The following USP49 variants were observed in gnomAD, a reference collection of about 807,000 sequenced individuals.
USP49 encodes the protein ubiquitin carboxyl-terminal hydrolase 49.
Under a neutral mutation model 58.6 loss-of-function variants are expected in USP49, and 24 were observed. The ratio of observed to expected loss-of-function variants is 0.41; its 90% CI spans 0.30 to 0.58. The LOEUF is 0.58. USP49 is among the 20% of genes least tolerant of loss of function. The pLI is 0.30. For synonymous variants in USP49, 408 were observed against 365.1 expected, an observed-to-expected ratio of 1.12 and a Z score of -1.34; for missense variants, 703 against 866.1, an observed-to-expected ratio of 0.81 and a Z score of 2.36.
intron 3 of USP49, among the ~76,000 whole-genome samples, chr6:41,859,177 C>G (rs1774178474): frequency 1.3e-5 from 2 of 152,300 alleles, no homozygotes; most frequent in South Asian, 2.1e-4. Flanking sequence ...CATGGCTTGT[C>G]TTTCATAGTC....
chr6:41,809,598 G>A (rs1369464610), intron 3 of USP49, among the ~76,000 whole-genome samples: 3 of 151,470 alleles, frequency 2.0e-5, no homozygotes, highest in Middle Eastern at 3.2e-3. Flanking sequence ...AGTCCGAGGC[G>A]GGAGGATCAC....
chr6:41,860,223 A>G (rs1470369618), intron 3 of USP49, among the ~76,000 whole-genome samples: 1 of 152,020 alleles, frequency 6.6e-6, no homozygotes, highest in Non-Finnish European at 1.5e-5. Flanking sequence ...CTACAAGACT[A>G]ATGACTTAGT....
intron 3 of USP49, among the ~76,000 whole-genome samples, chr6:41,859,665 T>C (rs2025950): frequency 6.6e-6 from 1 of 152,174 alleles, no homozygotes; most frequent in Non-Finnish European, 1.5e-5. Flanking sequence ...AGTGTCCTCT[T>C]TGGCAAATTA....
chr6:41,796,848 G>A, intron 7 of USP49, 125 bp from the exon 8 acceptor site: 1 of 616,816 alleles, frequency 1.6e-6, no homozygotes, highest in Non-Finnish European at 2.9e-6. Context: ...TCGATTATTG[G>A]TGGGGAAGGG....
chr6:41,824,150 G>T (rs893443149), intron 3 of USP49, among the ~76,000 whole-genome samples: 2 of 152,078 alleles, frequency 1.3e-5, no homozygotes, highest in African/African-American at 2.4e-5. Flanking sequence ...AGAGCCTAAA[G>T]TCAGGCTGGT....
chr6:41,802,459 TA>T (rs1216787067), intron 5 of USP49, among the ~76,000 whole-genome samples: 5,372 of 96,032 alleles, frequency 0.056, 436 homozygotes, highest in South Asian at 0.1. Flanking sequence ...TTTATTTATT[TA>T]TTTATTTATT....
At chr6:41,823,897 GA>G (rs1773493395) in intron 3 of USP49, among the ~76,000 whole-genome samples, 1 of 152,066 alleles carries the variant, frequency 6.6e-6, no homozygotes, top group Non-Finnish European at 1.5e-5. Context: ...ACAGTGAAGG[GA>G]ATCGGCTGAA....
At chr6:41,869,339 C>G (rs1774375653) in intron 3 of USP49, among the ~76,000 whole-genome samples, 1 of 151,948 alleles carries the variant, frequency 6.6e-6, no homozygotes, top group African/African-American at 2.4e-5. Flanking sequence ...TAAAGGCCAG[C>G]TGGGTAGCAC....
At chr6:41,881,550 A>G (rs1037333677) in intron 2 of USP49, among the ~76,000 whole-genome samples, 1 of 152,102 alleles carries the variant, frequency 6.6e-6, no homozygotes, top group African/African-American at 2.4e-5. Flanking sequence ...AAAAAAGTCT[A>G]AGTTTCAAGG....
rs1772803526 is a variant in USP49, at chr6:41,791,856, T to C, written c.*4677A>G. On this transcript the variant is annotated 3_prime_UTR_variant, in exon 8 of 8. Transcript: ENST00000682992. ...ATATTTAGAAGGCGCTTTTCAGCTT[T>C]AGCACTGACTTAAAAAGTCTGAACC... 1 of 152,226 alleles carries C rather than the reference T, an allele frequency of 6.6e-6. No homozygotes were observed. The highest frequency in any genetic ancestry group is 2.1e-4 in the South Asian group (1 of 4,834). 9.4% of individuals were successfully genotyped at this position (152,226 alleles called of 1,614,324 possible). A position where few individuals can be genotyped will look rare whatever the true frequency, so the allele number is the denominator to read the frequency against.
At chr6:41,849,669 A>G (rs1582019561) in intron 3 of USP49, among the ~76,000 whole-genome samples, 1 of 149,886 alleles carries the variant, frequency 6.7e-6, no homozygotes, top group East Asian at 2.0e-4. Flanking sequence ...GTGCAGTGGC[A>G]TGATCTCAGC....
chr6:41,802,470 TTTTTA>T (rs1773034809), intron 5 of USP49, among the ~76,000 whole-genome samples: 4 of 85,630 alleles, frequency 4.7e-5, no homozygotes, highest in African/African-American at 5.1e-5. Context: ...ATTTATTTAT[TTTTTA>T]TTTATTTTTT....
intron 3 of USP49, among the ~76,000 whole-genome samples, chr6:41,809,385 C>T (rs1376045617): frequency 6.6e-6 from 1 of 151,724 alleles, no homozygotes; most frequent in Non-Finnish European, 1.5e-5. Flanking sequence ...ATTAGCCAGA[C>T]GTGGTGGCAG....
At chr6:41,815,099 T>G (rs191549389) in intron 3 of USP49, among the ~76,000 whole-genome samples, 1 of 152,056 alleles carries the variant, frequency 6.6e-6, no homozygotes, top group Admixed American at 6.5e-5. Context: ...AGAAAAAGAT[T>G]TAAAAATCAA....
intron 3 of USP49, among the ~76,000 whole-genome samples, chr6:41,821,663 A>G (rs1045397664): frequency 6.6e-6 from 1 of 151,814 alleles, no homozygotes; most frequent in African/African-American, 2.4e-5. Context: ...AATCCCAGCT[A>G]CTCTGGAGGC....
chr6:41,804,720 C>T (rs1056879590), intron 4 of USP49, among the ~76,000 whole-genome samples: 4 of 152,168 alleles, frequency 2.6e-5, no homozygotes, highest in African/African-American at 7.2e-5. Flanking sequence ...AAGTTGCTCA[C>T]CAACCCACCC....
intron 3 of USP49, among the ~76,000 whole-genome samples, chr6:41,825,763 T>C (rs554197072): frequency 4.2e-4 from 64 of 152,334 alleles, no homozygotes; most frequent in African/African-American, 1.5e-3. Context: ...TTTTGTCTTT[T>C]TTCCCTCAAG....
chr6:41,817,391 C>T (rs1773373965), intron 3 of USP49, among the ~76,000 whole-genome samples: 1 of 151,374 alleles, frequency 6.6e-6, no homozygotes, highest in Non-Finnish European at 1.5e-5. Context: ...CATGATCCAC[C>T]CGACTCGGCC....
In USP49 at chr6:41,790,556, G is replaced by A. The variant is rs1230362634; in HGVS notation, c.*5977C>T. On this transcript the variant is annotated 3_prime_UTR_variant, in exon 8 of 8. Transcript: ENST00000682992. ...GCTTTTATGTGCCAAGTCTCTTATG[G>A]AACTAGTATGGGATTAAAGGACGTT... The A allele has an allele frequency of 6.6e-6, 1 of 152,122 alleles. No homozygotes were observed. Among genetic ancestry groups the A allele is most frequent in the African/African-American group, 2.4e-5 (1 of 41,394 alleles). 9.4% of individuals were successfully genotyped at this position (152,122 alleles called of 1,614,324 possible). A position where few individuals can be genotyped will look rare whatever the true frequency, so the allele number is the denominator to read the frequency against.
Sources: gnomAD v4.1 joint callset for allele counts (sites outside exome capture counted in the v4.1 genomes callset) on GRCh38, gnomAD v4.1.1 for gene constraint, MANE v1.5 for transcripts, NCBI Gene and HGNC (gene_info 2026-07-23, HGNC 2026-07-21) for gene names.